LRRC63: variants seen among roughly 807,000 people sequenced by gnomAD.
The protein encoded by LRRC63 is leucine rich repeat containing 63, also known as leucine-rich repeat-containing protein 63.
In LRRC63, 40 loss-of-function variants were observed where a neutral mutation model predicts 49.5. That is an observed-to-expected ratio of 0.81 (90% confidence interval 0.63 to 1.05). The LOEUF (loss-of-function observed/expected upper bound fraction) is 1.05, where lower values mean the gene tolerates loss of function less well. LRRC63 is among the 50% of genes least tolerant of loss of function. The pLI is 0.00. For missense variants in LRRC63, 636 were observed against 663.1 expected, an observed-to-expected ratio of 0.96 and a Z score of 0.45; for synonymous variants, 191 against 221.1, an observed-to-expected ratio of 0.86 and a Z score of 1.21.
intron 9 of LRRC63, chr13:46,270,399 A>T (rs566210079): frequency 1.2e-6 from 1 of 828,350 alleles, no homozygotes; most frequent in East Asian, 2.4e-5. Context: ...GATGGCGAAG[A>T]ATATACTGTA....
intron 8 of LRRC63, among the ~76,000 whole-genome samples, chr13:46,262,367 A>G (rs2047627200): frequency 6.6e-6 from 1 of 152,206 alleles, no homozygotes; most frequent in Non-Finnish European, 1.5e-5. Flanking sequence ...TAACATTAAT[A>G]AAAGTCTGAA....
chr13:46,270,312 A>G (rs111535203), intron 9 of LRRC63: 19 of 844,286 alleles, frequency 2.3e-5, no homozygotes, highest in African/African-American at 3.3e-5. Flanking sequence ...AGACTTCAGA[A>G]CAAGGTCTCT....
chr13:46,227,277 G>A (rs550685344), intron 2 of LRRC63, among the ~76,000 whole-genome samples: 1 of 152,228 alleles, frequency 6.6e-6, no homozygotes, highest in South Asian at 2.1e-4. Flanking sequence ...TCCAAGAATA[G>A]CTCTCTACCC....
chr13:46,227,556 G>A (rs1025693628), exon 3 of LRRC63: 7 of 1,545,974 alleles, frequency 4.5e-6, no homozygotes, highest in African/African-American at 2.7e-5. Context: ...ATTCACTGAA[G>A]ATGAAACCAC....
Position 46,228,740 on chromosome 13 carries a change from G to T in LRRC63, c.832+7G>T, listed in dbSNP as rs868063911. Reference sequence around the variant, plus strand: ...CCACCAAGACCACCTGAAGGTAAATGCTAGATTTATACAATTCTTTTAGAA... The same window carrying T: ...CCACCAAGACCACCTGAAGGTAAATTCTAGATTTATACAATTCTTTTAGAA... On this transcript the variant is annotated splice_region_variant and intron_variant, in intron 4 of 9. Transcript: ENST00000595396. The T allele has an allele frequency of 6.6e-7, 1 of 1,507,350 alleles. No individual in the cohort carries two copies. Among genetic ancestry groups the T allele is most frequent in the Non-Finnish European group, 9.0e-7 (1 of 1,109,576 alleles). The allele number at this position is 1,507,350 out of a possible 1,614,324, so 93.4% of individuals were successfully genotyped here. A position where few individuals can be genotyped will look rare whatever the true frequency, so the allele number is the denominator to read the frequency against.
intron 2 of LRRC63, 60 bp downstream of exon 2, chr13:46,213,179 G>A: frequency 9.0e-7 from 1 of 1,113,750 alleles, no homozygotes; most frequent in Non-Finnish European, 1.3e-6. Context: ...GAAATTCCTT[G>A]ACTTGCACAG....
At chr13:46,231,333 GT>G (rs1312281678) in intron 4 of LRRC63, among the ~76,000 whole-genome samples, 3 of 152,150 alleles carry the variant, frequency 2.0e-5, no homozygotes, top group African/African-American at 7.2e-5. Flanking sequence ...GAGAAAAGAG[GT>G]TTAATTGGTT....
chr13:46,266,823 G>A (rs1161552546), exon 9 of LRRC63: 1 of 1,550,140 alleles, frequency 6.5e-7, no homozygotes, highest in East Asian at 2.4e-5. Context: ...TTCAGTTTGA[G>A]AATAATTTCA....
rs2046132343 is a variant in LRRC63 at position 46,212,804 on chromosome 13, T to C, written c.-33-198T>C. 2.0e-5 allele frequency among the ~76,000 whole-genome samples: 3 copies of C among 152,198 alleles called. No individual in the cohort carries two copies. The South Asian group carries it at 6.2e-4, about 31-fold the overall frequency. On this transcript the variant is annotated intron_variant, in intron 1 of 9. Transcript: ENST00000595396. ...TTCTATGTTTACTTATAACCCTACATTTTAACTGGATTCTTTCTATTAATA... is the reference window on the plus strand; with the variant it reads ...TTCTATGTTTACTTATAACCCTACACTTTAACTGGATTCTTTCTATTAATA...
At chr13:46,275,197 A>G (rs1165322221) in intron 9 of LRRC63, among the ~76,000 whole-genome samples, 1 of 152,192 alleles carries the variant, frequency 6.6e-6, no homozygotes, top group Non-Finnish European at 1.5e-5. Flanking sequence ...TGTACATACC[A>G]TATTTTCTTT....
intron 7 of LRRC63, among the ~76,000 whole-genome samples, chr13:46,255,464 A>G (rs2047484732): frequency 6.6e-6 from 1 of 152,010 alleles, no homozygotes; most frequent in Non-Finnish European, 1.5e-5. Context: ...AACAAAAAAT[A>G]CATAGAGCCT....
At chr13:46,260,726 G>T (rs74069596) in intron 7 of LRRC63, among the ~76,000 whole-genome samples, 11,724 of 152,112 alleles carry the variant, frequency 0.077, 788 homozygotes, top group African/African-American at 0.19. Context: ...GAAATTTTAC[G>T]TGTTATTTAG....
chr13:46,231,846 C>T (rs1430544813), intron 4 of LRRC63, among the ~76,000 whole-genome samples: 8 of 134,824 alleles, frequency 5.9e-5, no homozygotes, highest in Admixed American at 1.5e-4. Context: ...GACAGAGTCT[C>T]GCTCTGTCAC....
chr13:46,234,306 T>C (rs1310235738), exon 5 of LRRC63: 1 of 1,550,274 alleles, frequency 6.5e-7, no homozygotes, highest in South Asian at 1.2e-5. Flanking sequence ...AACCTGGCCA[T>C]AGTAAACTGT....
chr13:46,250,637 T>C lies in LRRC63; in HGVS notation c.1226+146T>C, dbSNP rs899129700. 1.5e-5 allele frequency: 10 copies of C among 675,440 alleles called. No individual in the cohort carries two copies. In the East Asian group the frequency reaches 2.3e-4, roughly 15 times the overall value. 41.8% of individuals were successfully genotyped at this position (675,440 alleles called of 1,614,324 possible). A position where few individuals can be genotyped will look rare whatever the true frequency, so the allele number is the denominator to read the frequency against. On this transcript the variant is annotated intron_variant, in intron 7 of 9. Transcript: ENST00000595396. ...TAATTAGCTAATACGCTTCTTCTTA[T>C]GGTGTTAAAAACAATCCTACCAGCT...
chr13:46,254,747 T>C (rs115756753), intron 7 of LRRC63, among the ~76,000 whole-genome samples: 2,323 of 152,266 alleles, frequency 0.015, 75 homozygotes, highest in African/African-American at 0.052. Context: ...GTTTGAGAGA[T>C]GATGCTGTGG....
chr13:46,229,482 G>A (rs1307624182), intron 4 of LRRC63, among the ~76,000 whole-genome samples: 1 of 152,218 alleles, frequency 6.6e-6, no homozygotes, highest in Non-Finnish European at 1.5e-5. Context: ...GAGGGTGTTT[G>A]TGGTGTGGGA....
At chr13:46,232,351 A>G (rs1261860893) in intron 4 of LRRC63, among the ~76,000 whole-genome samples, 2 of 152,256 alleles carry the variant, frequency 1.3e-5, no homozygotes, top group African/African-American at 4.8e-5. Flanking sequence ...CTGTGAATGT[A>G]TAGAACAAGA....
intron 2 of LRRC63, among the ~76,000 whole-genome samples, chr13:46,215,327 T>C (rs1356680347): frequency 6.6e-6 from 1 of 152,212 alleles, no homozygotes; most frequent in East Asian, 1.9e-4. Context: ...AGATGGTATG[T>C]CATTGTGGTT....
Sources: allele counts gnomAD v4.1 joint callset (sites outside exome capture counted in the v4.1 genomes callset), GRCh38; gene constraint gnomAD v4.1.1; transcripts MANE v1.5; gene names NCBI Gene and HGNC (gene_info 2026-07-23, HGNC 2026-07-21).